ZNF75D: variants seen among roughly 807,000 people sequenced by gnomAD.
ZNF75D encodes the protein zinc finger protein 75.
In ZNF75D, 33 loss-of-function variants were observed where a neutral mutation model predicts 33.3. The observed-to-expected ratio is 0.99, with a 90% CI of 0.75 to 1.32. ZNF75D has a LOEUF of 1.32. ZNF75D is among the 40% of genes most tolerant of loss of function. The probability of loss-of-function intolerance (pLI) is 0.00; values close to 1 mark genes in which losing one functional copy is unlikely to be tolerated. For synonymous variants in ZNF75D, 113 were observed against 130.6 expected (o/e 0.87, Z 0.92); for missense variants, 338 against 367.5 (o/e 0.92, Z 0.66).
At chrX:135,281,539 G>A (rs782633855), downstream of ZNF75D, among the ~76,000 whole-genome samples, 1 of 111,369 alleles carries the variant, frequency 9.0e-6, no homozygotes, top group Non-Finnish European at 1.9e-5. Flanking sequence ...CTGGCGAGGA[G>A]TTGTGGTCCT....
intron 1 of ZNF75D, among the ~76,000 whole-genome samples, chrX:135,257,856 T>C (rs1275443112): frequency 1.8e-5 from 2 of 111,137 alleles, no homozygotes; most frequent in East Asian, 2.8e-4. Flanking sequence ...AATTCTAGAA[T>C]ATATGTGCAC....
At chrX:135,304,960 C>T (rs1205479704) in intron 1 of ZNF75D, among the ~76,000 whole-genome samples, 1 of 112,673 alleles carries the variant, frequency 8.9e-6, no homozygotes, top group Non-Finnish European at 1.9e-5. Context: ...ACCCTTAGAG[C>T]ATGCTGGACT....
intron 1 of ZNF75D, among the ~76,000 whole-genome samples, chrX:135,278,486 T>C (rs868934622): frequency 9.8e-5 from 11 of 111,803 alleles, no homozygotes; most frequent in African/African-American, 3.3e-4. Flanking sequence ...TATTTCTTTC[T>C]CTTGCATGAT....
chrX:135,317,263 G>T (rs2084432436), intron 1 of ZNF75D, among the ~76,000 whole-genome samples: 2 of 111,632 alleles, frequency 1.8e-5, no homozygotes, highest in Admixed American at 1.9e-4. Context: ...AGGTTTCCTT[G>T]CTGGCTTATG....
rs1353128764 is a variant in ZNF75D at position 135,287,666 on chromosome X, C to T, written c.1004G>A (p.Arg335Lys). 1.7e-6 allele frequency: 2 copies of T among 1,208,832 alleles called. No homozygotes were observed. Among genetic ancestry groups the T allele is most frequent in the Non-Finnish European group, 2.2e-6 (2 of 895,076 alleles). Residue 335 changes from arginine (R) to lysine (K), a missense_variant, in exon 7 of 7, where the codon AGG (arginine) becomes AAG (lysine). By Grantham distance (26) the Arg-to-Lys change is conservative. Transcript: ENST00000370766. ...SVQKWHRAFPRKKRKKPATCK... is the reference protein window; with the variant it reads ...SVQKWHRAFPKKKRKKPATCK... ...AGTTGCAGGTTTCTTTCTTTTCTTCCTTGGAAAAGCTCGATGCCATTTCTG... is the reference window on the plus strand; with the variant it reads ...AGTTGCAGGTTTCTTTCTTTTCTTCTTTGGAAAAGCTCGATGCCATTTCTG...
chrX:135,294,256 G>C lies in ZNF75D; in HGVS notation c.-116C>G, dbSNP rs2084092183. The C allele has an allele frequency of 1.8e-6, 1 of 565,896 alleles. No individual in the cohort carries two copies. Among genetic ancestry groups the C allele is most frequent in the South Asian group, 4.3e-5 (1 of 23,295 alleles). The allele number at this position is 565,896 out of a possible 1,213,427, so 46.6% of individuals were successfully genotyped here. On this transcript the variant is annotated splice_region_variant and 5_prime_UTR_variant, in exon 3 of 7. Coordinates refer to ENST00000370766, the MANE Select transcript of ZNF75D (RefSeq NM_007131.5). Reference sequence around the variant, plus strand: ...AATCAATGAATTGTTCTTCCCAAGAGCACTGAGGGAGAGCAGAAGAAAAGT... The same window carrying C: ...AATCAATGAATTGTTCTTCCCAAGACCACTGAGGGAGAGCAGAAGAAAAGT...
chrX:135,303,647 T>C (rs1556425234), intron 1 of ZNF75D, among the ~76,000 whole-genome samples: 1 of 112,484 alleles, frequency 8.9e-6, no homozygotes, highest in African/African-American at 3.2e-5. Flanking sequence ...GAGTCTCCTA[T>C]GTCTACTTCT....
intron 1 of ZNF75D, among the ~76,000 whole-genome samples, chrX:135,275,623 G>A (rs1344882952): frequency 9.1e-6 from 1 of 110,063 alleles, no homozygotes; most frequent in Non-Finnish European, 1.9e-5. Flanking sequence ...CGTTGCTTGT[G>A]TATGCACATA....
At chrX:135,265,787 A>G (rs1424761860) in intron 1 of ZNF75D, among the ~76,000 whole-genome samples, 1 of 112,090 alleles carries the variant, frequency 8.9e-6, no homozygotes, top group Non-Finnish European at 1.9e-5. Flanking sequence ...ACTCACTGGT[A>G]TTAGTAAGCT....
chrX:135,256,428 G>T (rs781850717), intron 1 of ZNF75D, among the ~76,000 whole-genome samples: 1 of 111,319 alleles, frequency 9.0e-6, no homozygotes, highest in African/African-American at 3.3e-5. Context: ...TGTGTGTGTG[G>T]GGGGGTGCAT....
chrX:135,266,015 G>C (rs961912979), intron 1 of ZNF75D, among the ~76,000 whole-genome samples: 1 of 111,990 alleles, frequency 8.9e-6, no homozygotes, highest in Non-Finnish European at 1.9e-5. Context: ...CTTTTTGCAT[G>C]CTTGCTTGTT....
At position 135,286,432 on chromosome X, in the gene ZNF75D, C is replaced by G. The variant is rs1457216818; in HGVS notation, c.*705G>C. On this transcript the variant is annotated 3_prime_UTR_variant, in exon 7 of 7. Transcript: ENST00000370766. The stretch of plus-strand genomic sequence containing the variant: ...CCTCCCTCATCATTTCACTATATGT[C>G]TATGTTGACAAAGTCAGCAAGAGGA... The G allele has an allele frequency of 4.5e-5, 5 of 112,239 alleles. No homozygotes were observed. Among genetic ancestry groups the G allele is most frequent in the Non-Finnish European group, 7.5e-5 (4 of 53,239 alleles). The allele number at this position is 112,239 out of a possible 1,213,427, so 9.2% of individuals were successfully genotyped here.
At chrX:135,324,793 T>C (rs1272709087) in intron 1 of ZNF75D, among the ~76,000 whole-genome samples, 1 of 112,506 alleles carries the variant, frequency 8.9e-6, no homozygotes, top group Non-Finnish European at 1.9e-5. Flanking sequence ...AGCGTAGTTG[T>C]CTTAGGTCTC....
chrX:135,309,177 C>G (rs2084326292), intron 1 of ZNF75D, among the ~76,000 whole-genome samples: 1 of 111,878 alleles, frequency 8.9e-6, no homozygotes, highest in Admixed American at 9.5e-5. Flanking sequence ...GACACTTGAG[C>G]TATAAGCTAG....
chrX:135,321,650 T>A (rs782645942), intron 1 of ZNF75D, among the ~76,000 whole-genome samples: 2 of 112,054 alleles, frequency 1.8e-5, no homozygotes, highest in South Asian at 7.5e-4. Flanking sequence ...GGGAATGAGA[T>A]GTGACTGCAG....
chrX:135,258,650 T>C (rs1287745057), intron 1 of ZNF75D, among the ~76,000 whole-genome samples: 1 of 111,964 alleles, frequency 8.9e-6, no homozygotes, highest in East Asian at 2.8e-4. Context: ...TTGTTTGTTT[T>C]TTTCTTGCAA....
chrX:135,287,845 C>A lies in ZNF75D; in HGVS notation c.825G>T (p.Gly275=), dbSNP rs2083979003. 2 of 1,182,818 alleles carry A rather than the reference C, an allele frequency of 1.7e-6. No individual in the cohort carries two copies. The highest frequency in any genetic ancestry group is 1.1e-6 in the Non-Finnish European group (1 of 873,296). ...QDIYETVISL[G]LKLKNDTGND... ...TTCCAGTGTCATTTTTTAGCTTTAACCCTGTTAGAATAAACAGAATAATCA... is the reference window on the plus strand; with the variant it reads ...TTCCAGTGTCATTTTTTAGCTTTAAACCTGTTAGAATAAACAGAATAATCA... Residue 275 remains glycine (G), a splice_region_variant and synonymous_variant, in exon 7 of 7, where the codon GGG becomes GGT. Transcript: ENST00000370766.
rs782184033 is a variant in ZNF75D at position 135,287,601 on chromosome X, T to C, written c.1069A>G (p.Lys357Glu). ...AAAGGTTTCTCCCCTGTGGGGCCTT[T>C]CCCATGAAGATCCATAAGTTTTGGA... Reference protein sequence around the residue: ...ELPKLMDLHGKGPTGEKPFKC... With the variant: ...ELPKLMDLHGEGPTGEKPFKC... The change falls in exon 7 of 7, where the codon AAA becomes GAA. Residue 357 changes from lysine to glutamate, a missense_variant. By Grantham distance (56) the Lys-to-Glu change is moderately conservative. Around this residue, in one of 3 missense-constraint regions of ZNF75D, gnomAD observed 254 missense variants for 267.7 expected, o/e 0.95. Coordinates refer to ENST00000370766, the MANE Select transcript of ZNF75D (RefSeq NM_007131.5). 1.1e-5 allele frequency: 13 copies of C among 1,211,118 alleles called. No homozygotes were observed. The highest frequency in any genetic ancestry group is 1.5e-5 in the Non-Finnish European group (13 of 895,336).
chrX:135,296,700 T>C (rs2084134779), intron 1 of ZNF75D, among the ~76,000 whole-genome samples: 1 of 112,620 alleles, frequency 8.9e-6, no homozygotes, highest in Admixed American at 9.3e-5. Context: ...TTATCTTGTT[T>C]TATTCTTGTT....
Sources: allele counts gnomAD v4.1 joint callset (sites outside exome capture counted in the v4.1 genomes callset), GRCh38; gene constraint gnomAD v4.1.1; regional missense constraint gnomAD v4.1.1; transcripts MANE v1.5; gene names NCBI Gene and HGNC (gene_info 2026-07-23, HGNC 2026-07-21).